Variants in NTRK3 observed in about 807,000 individuals in gnomAD.
NTRK3 encodes NT-3 growth factor receptor.
A neutral mutation model predicts 91.7 loss-of-function variants in NTRK3; 24 were observed. The ratio of observed to expected loss-of-function variants is 0.26; its 90% CI spans 0.19 to 0.37. The LOEUF is 0.37. Ranked by LOEUF, NTRK3 falls within the 10% of genes least tolerant of loss-of-function variation. The pLI is 1.00. For missense variants in NTRK3, 880 were observed against 1,068.9 expected (o/e 0.82, Z 2.46); for synonymous variants, 483 against 404.0 (o/e 1.20, Z -2.34).
chr15:88,214,672 A>AAAG (rs1359711984), intron 3 of NTRK3, among the ~76,000 whole-genome samples: 2 of 115,118 alleles, frequency 1.7e-5, no homozygotes, highest in African/African-American at 6.4e-5. Context: ...AAAAAAAAAA[A>AAAG]AAAACAGAGA....
chr15:87,956,343 C>T (rs907884259), intron 14 of NTRK3, among the ~76,000 whole-genome samples: 5 of 152,126 alleles, frequency 3.3e-5, no homozygotes, highest in East Asian at 1.9e-4. Context: ...GGCACAATCT[C>T]GGCTCACTGA....
chr15:88,046,415 G>A (rs896371359), intron 13 of NTRK3, among the ~76,000 whole-genome samples: 1 of 152,096 alleles, frequency 6.6e-6, no homozygotes, highest in East Asian at 1.9e-4. Flanking sequence ...AGGTCTACAG[G>A]TGGGACACAC....
rs145146122 is a variant in NTRK3, at chr15:88,097,695, G to C, written c.1396+28576C>G. 3.9e-5 allele frequency among the ~76,000 whole-genome samples: 6 copies of C among 152,304 alleles called. No individual in the cohort carries two copies. In the East Asian group the frequency reaches 1.2e-3, roughly 29 times the overall value. On this transcript the variant is annotated intron_variant, in intron 13 of 18. Coordinates refer to ENST00000394480, the Ensembl canonical transcript of NTRK3. ...TTAAAAAGACAGATTTACTTGGATT[G>C]AAAAGCACGCAATCTTTAAAAACGA...
intron 14 of NTRK3, among the ~76,000 whole-genome samples, chr15:88,024,369 AG>A (rs2077847274): frequency 6.6e-6 from 1 of 152,196 alleles, no homozygotes; most frequent in Non-Finnish European, 1.5e-5. Flanking sequence ...GTAGCTAAAG[AG>A]GGGTAAGAAA....
intron 3 of NTRK3, among the ~76,000 whole-genome samples, chr15:88,209,462 G>A (rs1278063319): frequency 6.6e-6 from 1 of 152,242 alleles, no homozygotes; most frequent in Admixed American, 6.5e-5. Flanking sequence ...CAGGAAAACG[G>A]AATTCACATC....
chr15:88,042,901 A>G (rs1260474960), intron 13 of NTRK3, among the ~76,000 whole-genome samples: 2 of 152,196 alleles, frequency 1.3e-5, no homozygotes, highest in African/African-American at 4.8e-5. Context: ...GTCTGGGCTC[A>G]TTTCACTGCA....
chr15:88,070,512 GCTTC>G (rs1263345340), intron 13 of NTRK3, among the ~76,000 whole-genome samples: 3 of 152,144 alleles, frequency 2.0e-5, no homozygotes, highest in Non-Finnish European at 4.4e-5. Flanking sequence ...AATCAGCTTT[GCTTC>G]CTTCAATTAG....
At chr15:88,002,173 T>TC (rs2076149642) in intron 14 of NTRK3, among the ~76,000 whole-genome samples, 1 of 143,796 alleles carries the variant, frequency 7.0e-6, no homozygotes, top group Non-Finnish European at 1.5e-5. Context: ...TGGTTGTTTT[T>TC]TTTTTTTTTT....
chr15:87,916,416 C>T, intron 17 of NTRK3: 3 of 673,620 alleles, frequency 4.5e-6, no homozygotes, highest in Admixed American at 2.1e-5. Flanking sequence ...TGACTCAACA[C>T]CAGATTCAAT....
chr15:88,063,852 T>C (rs2046423124), intron 13 of NTRK3, among the ~76,000 whole-genome samples: 1 of 152,216 alleles, frequency 6.6e-6, no homozygotes, highest in Admixed American at 6.5e-5. Context: ...AACAGATGAA[T>C]TGGATGAAAA....
chr15:87,903,999 C>T (rs1425095921), intron 17 of NTRK3, among the ~76,000 whole-genome samples: 3 of 152,136 alleles, frequency 2.0e-5, no homozygotes, highest in Admixed American at 6.5e-5. Flanking sequence ...CTTATGCTCT[C>T]CTTGTGTACC....
At chr15:88,067,680 G>A (rs1374534095) in intron 13 of NTRK3, among the ~76,000 whole-genome samples, 1 of 152,190 alleles carries the variant, frequency 6.6e-6, no homozygotes, top group African/African-American at 2.4e-5. Flanking sequence ...CCATTTGAAG[G>A]AAGGTGGGGA....
intron 17 of NTRK3, among the ~76,000 whole-genome samples, chr15:87,896,473 GAA>G (rs377592642): frequency 1.2e-4 from 11 of 92,568 alleles, no homozygotes; most frequent in Admixed American, 1.2e-4. Flanking sequence ...CTGTCTCAAA[GAA>G]AAAAAAAAAA....
intron 17 of NTRK3, among the ~76,000 whole-genome samples, chr15:87,902,802 A>G (rs1017053557): frequency 6.6e-6 from 1 of 152,194 alleles, no homozygotes; most frequent in Non-Finnish European, 1.5e-5. Flanking sequence ...TATTTCTAGA[A>G]ATGAACCAAA....
At chr15:88,097,548 C>T (rs1454421290) in intron 13 of NTRK3, among the ~76,000 whole-genome samples, 2 of 152,156 alleles carry the variant, frequency 1.3e-5, no homozygotes, top group Non-Finnish European at 2.9e-5. Context: ...ATTCCACCAC[C>T]AGGAATCTAA....
chr15:87,990,185 A>G (rs1197825621), intron 14 of NTRK3, among the ~76,000 whole-genome samples: 1 of 152,134 alleles, frequency 6.6e-6, no homozygotes, highest in African/African-American at 2.4e-5. Context: ...CTACAACTTT[A>G]TCGTCTCTCT....
In NTRK3 at chr15:88,255,217, C is replaced by T. The variant is rs1271564491; in HGVS notation, c.248+689G>A. ...CCCAAACTGGGAAGGGATCTGTAGG[C>T]GCCCAGATGCAGATGAGGGTGGCAA... On this transcript the variant is annotated intron_variant, in intron 3 of 18. Coordinates refer to ENST00000394480, the Ensembl canonical transcript of NTRK3. The surrounding 1 kb of genome is among the most constrained non-coding windows in gnomAD (Gnocchi z 4.3). 6.6e-6 allele frequency among the ~76,000 whole-genome samples: 1 copy of T among 152,108 alleles called. No individual in the cohort carries two copies. Among genetic ancestry groups the T allele is most frequent in the Non-Finnish European group, 1.5e-5 (1 of 68,040 alleles).
intron 3 of NTRK3, among the ~76,000 whole-genome samples, chr15:88,230,195 A>C (rs960193842): frequency 1.3e-5 from 2 of 152,086 alleles, no homozygotes; most frequent in African/African-American, 4.8e-5. Context: ...CTGAATGAAA[A>C]GTGCTCAGCA....
At chr15:87,902,754 A>ATTTT (rs2066527312) in intron 17 of NTRK3, among the ~76,000 whole-genome samples, 1 of 151,950 alleles carries the variant, frequency 6.6e-6, no homozygotes, top group East Asian at 1.9e-4. Context: ...AGAAAATTCG[A>ATTTT]CTCTCAAGTT....
Sources: gnomAD v4.1 joint callset for allele counts (sites outside exome capture counted in the v4.1 genomes callset) on GRCh38, gnomAD v4.1.1 for gene constraint, Gnocchi (gnomAD v3.1) non-coding constraint, MANE v1.5 for transcripts, NCBI Gene and HGNC (gene_info 2026-07-23, HGNC 2026-07-21) for gene names.